KIF1A: variants seen among roughly 807,000 people sequenced by gnomAD.
The protein encoded by KIF1A is kinesin family member 1A.
Under a neutral mutation model 227.3 loss-of-function variants are expected in KIF1A, and 46 were observed. That is an observed-to-expected ratio of 0.20 (90% confidence interval 0.16 to 0.26). The LOEUF (loss-of-function observed/expected upper bound fraction) is 0.26, where lower values mean the gene tolerates loss of function less well. Among genes scored for constraint, KIF1A ranks in the 10% least tolerant of loss-of-function variants. The probability of loss-of-function intolerance (pLI) is 1.00; values close to 1 mark genes in which losing one functional copy is unlikely to be tolerated. For synonymous variants in KIF1A, 1,022 were observed against 1,012.8 expected, an observed-to-expected ratio of 1.01 and a Z score of -0.17; for missense variants, 1,683 against 2,485.9, an observed-to-expected ratio of 0.68 and a Z score of 6.87.
chr2:240,760,989 G>C (rs1218000729), intron 24 of KIF1A, 146 bp from the exon 25 acceptor site: 2 of 926,468 alleles, frequency 2.2e-6, no homozygotes, highest in East Asian at 2.8e-5. Flanking sequence ...CGCCAGGGGG[G>C]ACCACCTACT....
rs375105783 is a variant in KIF1A at position 240,745,926 on chromosome 2, A to G, written c.3203-17T>C. On this transcript the variant is annotated splice_polypyrimidine_tract_variant and intron_variant, in intron 30 of 48. Transcript: ENST00000498729. ...GGGGCACTGCTGCTGGGAGTCAAGG[A>G]GAGAGTCATGGACCTCCAGGCCATA... The G allele has an allele frequency of 5.0e-6, 8 of 1,597,290 alleles. No individual in the cohort carries two copies. In the African/African-American group the frequency reaches 1.1e-4, roughly 21 times the overall value.
chr2:240,760,111 C>T (rs1015759050), intron 25 of KIF1A, among the ~76,000 whole-genome samples: 3 of 152,344 alleles, frequency 2.0e-5, no homozygotes, highest in South Asian at 4.1e-4. Context: ...CACCAGCTCA[C>T]GTTGGGCACA....
rs532806732 is a variant in KIF1A, at chr2:240,721,889, G to A, written c.4666-5C>T. The A allele has an allele frequency of 4.6e-5, 73 of 1,602,550 alleles. No individual in the cohort carries two copies. Among genetic ancestry groups the A allele is most frequent in the Non-Finnish European group, 5.9e-5 (69 of 1,178,136 alleles). On this transcript the variant is annotated splice_region_variant and splice_polypyrimidine_tract_variant and intron_variant, in intron 43 of 48. Coordinates refer to ENST00000498729, the MANE Select transcript of KIF1A (RefSeq NM_001244008.2). Reference sequence around the variant, plus strand: ...GTGCGTGAGCAGGCGCAAGCACTGTGGACAGAGCACACGCGTGGTCAGGGG... The same window carrying A: ...GTGCGTGAGCAGGCGCAAGCACTGTAGACAGAGCACACGCGTGGTCAGGGG...
intron 48 of KIF1A, among the ~76,000 whole-genome samples, chr2:240,717,790 C>A (rs951563846): frequency 1.3e-5 from 2 of 152,238 alleles, no homozygotes; most frequent in African/African-American, 4.8e-5. Flanking sequence ...CATCCCCAGC[C>A]CACATAAGTG....
At chr2:240,795,300 A>G (rs2056235954) in intron 2 of KIF1A, among the ~76,000 whole-genome samples, 1 of 152,224 alleles carries the variant, frequency 6.6e-6, no homozygotes, top group Non-Finnish European at 1.5e-5. Flanking sequence ...GACGGGATCC[A>G]GGCATTTGAA....
chr2:240,743,131 G>T, intron 33 of KIF1A, 147 bp from the exon 34 acceptor site: 2 of 621,246 alleles, frequency 3.2e-6, no homozygotes, highest in South Asian at 2.6e-5. Context: ...TGGGTGGGAG[G>T]AAGAGGAGGG....
chr2:240,778,462 C>T lies in KIF1A; in HGVS notation c.883-2536G>A, dbSNP rs1474743405. On this transcript the variant is annotated intron_variant, in intron 10 of 48. Coordinates refer to ENST00000498729, the MANE Select transcript of KIF1A (RefSeq NM_001244008.2). The surrounding 1 kb of genome is among the most constrained non-coding windows in gnomAD (Gnocchi z 7.2). ...TCCCCACGGGAGGCCTCACACGATC[C>T]TCCATTTCTCAGAGCTCTCAGCAGG... Among the ~76,000 whole-genome samples, 1 of 150,864 alleles carries T rather than the reference C, an allele frequency of 6.6e-6. No individual in the cohort carries two copies. The highest frequency in any genetic ancestry group is 1.5e-5 in the Non-Finnish European group (1 of 67,778).
chr2:240,769,315 G>A, intron 16 of KIF1A, 107 bp from the exon 17 acceptor site: 1 of 966,746 alleles, frequency 1.0e-6, no homozygotes, highest in South Asian at 1.6e-5. Flanking sequence ...CCGTGGCCTG[G>A]GTGGTGCCCA....
At chr2:240,747,177 C>T (rs905883824) in intron 29 of KIF1A, 59 bp downstream of exon 29, 8 of 1,309,432 alleles carry the variant, frequency 6.1e-6, no homozygotes, top group South Asian at 1.2e-5. Context: ...GCAAAGTGCA[C>T]AGGACTCCAG....
intron 45 of KIF1A, chr2:240,720,659 C>T: frequency 2.9e-6 from 1 of 339,912 alleles, no homozygotes; most frequent in East Asian, 4.6e-5. Flanking sequence ...GGAGCTTTAG[C>T]TTATTTTCCA....
intron 45 of KIF1A, chr2:240,720,535 G>T: frequency 5.7e-6 from 1 of 174,952 alleles, no homozygotes; most frequent in Non-Finnish European, 1.2e-5. Flanking sequence ...TCTTCCAAAT[G>T]CGGACCTGCA....
chr2:240,788,722 C>T lies in KIF1A; in HGVS notation c.184-492G>A, dbSNP rs770253635. Among the ~76,000 whole-genome samples the T allele has an allele frequency of 6.6e-6, 1 of 151,332 alleles. No homozygotes were observed. Among genetic ancestry groups the T allele is most frequent in the Non-Finnish European group, 1.5e-5 (1 of 67,884 alleles). The stretch of plus-strand genomic sequence containing the variant: ...AAGGACTGGATGGGGAAGGCAGAAG[C>T]GGGGAGCCCTGGGGCTGTTATGGGG... On this transcript the variant is annotated intron_variant, in intron 3 of 48. Coordinates refer to ENST00000498729, the MANE Select transcript of KIF1A (RefSeq NM_001244008.2). This position sits in a 1 kb window ranked among gnomAD's most constrained non-coding sequence, Gnocchi z 6.6.
rs764676288 is a variant in KIF1A at position 240,758,515 on chromosome 2, G to T, written c.2445-18C>A. On this transcript the variant is annotated intron_variant, in intron 25 of 48. Coordinates refer to ENST00000498729, the MANE Select transcript of KIF1A (RefSeq NM_001244008.2). The surrounding 1 kb of genome is among the most constrained non-coding windows in gnomAD (Gnocchi z 5.2). ...GACGCTGCCTGCAGGGACGGCAGGGGTCAATGTGGACCCAGGCCCAGCGCT... is the reference window on the plus strand; with the variant it reads ...GACGCTGCCTGCAGGGACGGCAGGGTTCAATGTGGACCCAGGCCCAGCGCT... The T allele has an allele frequency of 6.4e-7, 1 of 1,551,844 alleles. No homozygotes were observed.
chr2:240,789,094 G>T lies in KIF1A; in HGVS notation c.183+142C>A. The T allele has an allele frequency of 1.5e-6, 1 of 673,008 alleles. No homozygotes were observed. The highest frequency in any genetic ancestry group is 2.6e-6 in the Non-Finnish European group (1 of 380,878). 41.7% of individuals were successfully genotyped at this position (673,008 alleles called of 1,614,324 possible). A position where few individuals can be genotyped will look rare whatever the true frequency, so the allele number is the denominator to read the frequency against. ...CACTGCCTTCGCTGAGGACCGCTCA[G>T]GGTGACCTTCCAGGGGAGCAGGGTG... On this transcript the variant is annotated intron_variant, in intron 3 of 48. Transcript: ENST00000498729. The surrounding 1 kb of genome is among the most constrained non-coding windows in gnomAD (Gnocchi z 4.8).
chr2:240,741,112 C>A (rs1468365957), intron 35 of KIF1A, among the ~76,000 whole-genome samples, 157 bp downstream of exon 35: 1 of 152,174 alleles, frequency 6.6e-6, no homozygotes, highest in East Asian at 1.9e-4. Context: ...CTCCCCAAGA[C>A]CTAGATGAGG....
intron 14 of KIF1A, 110 bp from the exon 15 acceptor site, chr2:240,771,214 A>G: frequency 7.9e-7 from 1 of 1,268,532 alleles, no homozygotes; most frequent in Non-Finnish European, 1.1e-6. Flanking sequence ...GCAGACAGAC[A>G]GAGGGAGGGA....
intron 1 of KIF1A, among the ~76,000 whole-genome samples, chr2:240,813,625 C>T (rs1422116062): frequency 1.3e-5 from 2 of 152,162 alleles, no homozygotes; most frequent in East Asian, 3.9e-4. Context: ...TAGCCAGCCC[C>T]ACCCCTTCAC....
At chr2:240,761,641 C>T (rs1425180545) in intron 23 of KIF1A, among the ~76,000 whole-genome samples, 4 of 152,198 alleles carry the variant, frequency 2.6e-5, no homozygotes, top group Non-Finnish European at 5.9e-5. Context: ...GCTGGGAGAG[C>T]TCTGTGCTTG....
At chr2:240,729,168 G>A (rs1372421248) in intron 38 of KIF1A, among the ~76,000 whole-genome samples, 2 of 152,122 alleles carry the variant, frequency 1.3e-5, no homozygotes, top group South Asian at 2.1e-4. Flanking sequence ...TCTATGCACT[G>A]GGTAAGACCC....
Sources: gnomAD v4.1 joint callset for allele counts (sites outside exome capture counted in the v4.1 genomes callset) on GRCh38, gnomAD v4.1.1 for gene constraint, Gnocchi (gnomAD v3.1) non-coding constraint, MANE v1.5 for transcripts, NCBI Gene and HGNC (gene_info 2026-07-23, HGNC 2026-07-21) for gene names.